The following MAGI2 variants were observed in gnomAD, a reference collection of about 807,000 sequenced individuals.
MAGI2 encodes the protein membrane-associated guanylate kinase, WW and PDZ domain-containing protein 2.
MAGI2 carries 35 observed loss-of-function variants against 133.3 expected under a neutral mutation model. The ratio of observed to expected loss-of-function variants is 0.26; its 90% CI spans 0.20 to 0.35. The LOEUF is 0.35. MAGI2 is among the 10% of genes least tolerant of loss of function. The pLI is 1.00. For synonymous variants in MAGI2, 729 were observed against 710.6 expected, an observed-to-expected ratio of 1.03 and a Z score of -0.41; for missense variants, 1,636 against 1,863.4, an observed-to-expected ratio of 0.88 and a Z score of 2.25.
chr7:79,353,163 G>A (rs1841797504), intron 1 of MAGI2, among the ~76,000 whole-genome samples: 1 of 152,030 alleles, frequency 6.6e-6, no homozygotes, highest in Non-Finnish European at 1.5e-5. Context: ...CAAACATAGT[G>A]GTCCTGGAAA....
intron 2 of MAGI2, among the ~76,000 whole-genome samples, chr7:78,707,817 T>G (rs1818807976): frequency 6.6e-6 from 1 of 152,118 alleles, no homozygotes. Context: ...TCTACCCTGA[T>G]TTTACTCTCA....
chr7:79,433,956 G>A (rs1011044970), intron 1 of MAGI2, among the ~76,000 whole-genome samples: 7 of 151,938 alleles, frequency 4.6e-5, no homozygotes, highest in East Asian at 1.9e-4. Context: ...ACAATCTAAC[G>A]GTGTTTTTTA....
chr7:79,179,955 C>A (rs542882715), intron 1 of MAGI2, among the ~76,000 whole-genome samples: 1 of 151,982 alleles, frequency 6.6e-6, no homozygotes, highest in African/African-American at 2.4e-5. Context: ...TTCTGCACAG[C>A]AAAAAGAAAC....
At chr7:78,585,815 G>A (rs1360380174) in intron 3 of MAGI2, among the ~76,000 whole-genome samples, 2 of 152,150 alleles carry the variant, frequency 1.3e-5, no homozygotes, top group Non-Finnish European at 2.9e-5. Context: ...AGAGGGTGGG[G>A]TTACTTTACA....
At chr7:78,069,490 TG>T (rs1256409929) in intron 21 of MAGI2, among the ~76,000 whole-genome samples, 1 of 106,748 alleles carries the variant, frequency 9.4e-6, no homozygotes, top group African/African-American at 2.9e-5. Context: ...TGTATGTGTA[TG>T]TGTGTATGTG....
intron 20 of MAGI2, among the ~76,000 whole-genome samples, chr7:78,079,446 A>T (rs1430404758): frequency 6.6e-6 from 1 of 152,250 alleles, no homozygotes; most frequent in Non-Finnish European, 1.5e-5. Flanking sequence ...TGAATCAAAA[A>T]GTAAACATTT....
chr7:79,186,751 GTATATA>G (rs67211187), intron 1 of MAGI2, among the ~76,000 whole-genome samples: 3,069 of 128,968 alleles, frequency 0.024, 58 homozygotes, highest in Middle Eastern at 0.036. Context: ...TTATACAAAA[GTATATA>G]TATATATATA....
chr7:78,493,326 C>T (rs1292907532), intron 5 of MAGI2, among the ~76,000 whole-genome samples: 1 of 152,194 alleles, frequency 6.6e-6, no homozygotes, highest in African/African-American at 2.4e-5. Flanking sequence ...TCACATAGAA[C>T]ATGCTTCATT....
chr7:79,260,453 A>C (rs1235690673), intron 1 of MAGI2, among the ~76,000 whole-genome samples: 1 of 152,190 alleles, frequency 6.6e-6, no homozygotes, highest in Non-Finnish European at 1.5e-5. Context: ...CTTCAATAAT[A>C]AGTAGGTTAG....
chr7:78,674,182 T>C (rs1030376836), intron 2 of MAGI2, among the ~76,000 whole-genome samples: 2 of 152,054 alleles, frequency 1.3e-5, no homozygotes, highest in Non-Finnish European at 2.9e-5. Flanking sequence ...TTTTTTTGCA[T>C]AGTGCTAATT....
At chr7:79,206,786 T>C (rs566232294) in intron 1 of MAGI2, among the ~76,000 whole-genome samples, 1 of 151,828 alleles carries the variant, frequency 6.6e-6, no homozygotes, top group Non-Finnish European at 1.5e-5. Context: ...CCAATATCCC[T>C]GATGAATATA....
chr7:79,106,381 T>C (rs1298262675), intron 1 of MAGI2, among the ~76,000 whole-genome samples: 2 of 152,228 alleles, frequency 1.3e-5, no homozygotes, highest in African/African-American at 4.8e-5. Context: ...AACAGGATTG[T>C]CATTGTGGTT....
At position 79,261,510 on chromosome 7, in the gene MAGI2, G is replaced by A. The variant is rs538176135; in HGVS notation, c.301+191510C>T. On this transcript the variant is annotated intron_variant, in intron 1 of 21. Transcript: ENST00000354212. ...CCTCAAAGGACAGGCCTCATGTGAG[G>A]GCTTTTTGCCATTTCCTTCAAGTTG... Among the ~76,000 whole-genome samples the A allele has an allele frequency of 7.9e-5, 12 of 152,212 alleles. No individual in the cohort carries two copies. In the South Asian group the frequency reaches 2.5e-3, roughly 32 times the overall value.
Position 78,521,511 on chromosome 7 carries a change from C to T in MAGI2, c.673G>A (p.Glu225Lys), listed in dbSNP as rs776022200. 6.8e-6 allele frequency: 11 copies of T among 1,614,030 alleles called. No homozygotes were observed. Residue 225 changes from glutamate (E) to lysine (K), a missense_variant, in exon 4 of 22, where the codon GAG becomes AAG. Transcript: ENST00000354212. ...TCAGGAGGCTCTATACTGGCTTTCT[C>T]CATGTTGCTCACTGATTTATTCCTC... is the stretch of plus-strand genomic sequence containing the variant. Reference protein sequence around the residue: ...RKRNKSVSNMEKASIEPPEEE... With the variant: ...RKRNKSVSNMKKASIEPPEEE...
intron 1 of MAGI2, among the ~76,000 whole-genome samples, chr7:79,421,028 C>G (rs1846920060): frequency 6.6e-6 from 1 of 151,828 alleles, no homozygotes; most frequent in Admixed American, 6.6e-5. Flanking sequence ...GCACAAAATC[C>G]AATAAAATTA....
At chr7:79,373,078 C>T (rs760770929) in intron 1 of MAGI2, among the ~76,000 whole-genome samples, 82 of 151,956 alleles carry the variant, frequency 5.4e-4, no homozygotes, top group Non-Finnish European at 1.0e-3. Context: ...TTTTGGTTAA[C>T]TGCTGAATTT....
intron 6 of MAGI2, among the ~76,000 whole-genome samples, chr7:78,467,167 G>A (rs780645499): frequency 2.0e-5 from 3 of 152,094 alleles, no homozygotes; most frequent in Non-Finnish European, 2.9e-5. Context: ...ACTGTGATAT[G>A]CTGGTTCTCT....
chr7:78,498,340 C>A (rs1030630101), intron 5 of MAGI2, among the ~76,000 whole-genome samples: 1 of 152,170 alleles, frequency 6.6e-6, no homozygotes, highest in Admixed American at 6.5e-5. Flanking sequence ...ATGCTCCCTC[C>A]CCAATCACTG....
intron 1 of MAGI2, among the ~76,000 whole-genome samples, chr7:79,391,002 G>A (rs1481696855): frequency 6.6e-6 from 1 of 152,144 alleles, no homozygotes; most frequent in Non-Finnish European, 1.5e-5. Context: ...TACTCTGAGA[G>A]TGAGGAAAGC....
Sources: gnomAD v4.1 joint callset for allele counts (sites outside exome capture counted in the v4.1 genomes callset) on GRCh38, gnomAD v4.1.1 for gene constraint, MANE v1.5 for transcripts, NCBI Gene and HGNC (gene_info 2026-07-23, HGNC 2026-07-21) for gene names.